ANKRD28: variants seen among roughly 807,000 people sequenced by gnomAD.
ANKRD28 encodes the protein serine/threonine-protein phosphatase 6 regulatory ankyrin repeat subunit A.
In ANKRD28, 44 loss-of-function variants were observed where a neutral mutation model predicts 126.5. That is an observed-to-expected ratio of 0.35 (90% CI 0.27 to 0.45). The LOEUF (loss-of-function observed/expected upper bound fraction) is 0.45. Ranked by LOEUF, ANKRD28 falls within the 20% of genes least tolerant of loss-of-function variation. The pLI is 1.00. For missense variants in ANKRD28, 1,110 were observed against 1,316.6 expected, an observed-to-expected ratio of 0.84 and a Z score of 2.43; for synonymous variants, 442 against 468.5, an observed-to-expected ratio of 0.94 and a Z score of 0.73.
chr3:15,722,179 T>C (rs909227608), intron 7 of ANKRD28, among the ~76,000 whole-genome samples: 6 of 152,186 alleles, frequency 3.9e-5, no homozygotes, highest in Non-Finnish European at 7.3e-5. Context: ...ATATTCCTGA[T>C]AAAAGAGTCT....
At chr3:15,755,675 C>CA (rs1399630692) in intron 3 of ANKRD28, among the ~76,000 whole-genome samples, 1 of 152,032 alleles carries the variant, frequency 6.6e-6, no homozygotes, top group Non-Finnish European at 1.5e-5. Context: ...CCACTTAAAA[C>CA]AAAAAACAGT....
chr3:15,754,838 C>T (rs935180156), intron 3 of ANKRD28, among the ~76,000 whole-genome samples: 10 of 152,058 alleles, frequency 6.6e-5, no homozygotes, highest in South Asian at 6.2e-4. Context: ...ATATATCGGC[C>T]GGGTGCAGTG....
At position 15,797,370 on chromosome 3, in the gene ANKRD28, C is replaced by A; in HGVS notation, c.-849G>T. On this transcript the variant is annotated 5_prime_UTR_variant, in exon 1 of 28. Transcript: ENST00000683139. Reference sequence around the variant, plus strand: ...GAAACACAGTTAGCTTTATTCCCATCGATAGCATAAGCAAGGCAGAGCGTT... The same window carrying A: ...GAAACACAGTTAGCTTTATTCCCATAGATAGCATAAGCAAGGCAGAGCGTT... The A allele has an allele frequency of 1.0e-6, 1 of 985,334 alleles. No homozygotes were observed. 61.0% of individuals were successfully genotyped at this position (985,334 alleles called of 1,614,324 possible).
rs945015085 is a variant in ANKRD28 at position 15,669,008 on chromosome 3, A to C, written c.*1262T>G. ...ATCTTTATTTAAAAGCCGAAATATCAGCCTTCTCTCTCTCTTTTGCTATTT... is the reference window on the plus strand; with the variant it reads ...ATCTTTATTTAAAAGCCGAAATATCCGCCTTCTCTCTCTCTTTTGCTATTT... On this transcript the variant is annotated 3_prime_UTR_variant, in exon 28 of 28. Transcript: ENST00000683139. The C allele has an allele frequency of 6.6e-6, 1 of 152,608 alleles. No individual in the cohort carries two copies. Among genetic ancestry groups the C allele is most frequent in the African/African-American group, 2.4e-5 (1 of 41,454 alleles). 9.5% of individuals were successfully genotyped at this position (152,608 alleles called of 1,614,324 possible).
At chr3:15,729,260 C>G (rs947745883) in intron 6 of ANKRD28, among the ~76,000 whole-genome samples, 1 of 152,184 alleles carries the variant, frequency 6.6e-6, no homozygotes, top group African/African-American at 2.4e-5. Flanking sequence ...TTCTCCTTCT[C>G]CCACAATCCT....
intron 4 of ANKRD28, 72 bp from the exon 5 acceptor site, chr3:15,737,305 C>T (rs901394956): frequency 6.7e-5 from 85 of 1,268,922 alleles, no homozygotes; most frequent in Admixed American, 1.1e-4. Context: ...ATATAGTGTG[C>T]GTGTGTGTGT....
intron 17 of ANKRD28, among the ~76,000 whole-genome samples, chr3:15,693,197 T>C (rs960984809): frequency 1.3e-5 from 2 of 152,226 alleles, no homozygotes; most frequent in Non-Finnish European, 2.9e-5. Context: ...AATGTAAATA[T>C]ACTTAACACT....
At position 15,668,926 on chromosome 3, in the gene ANKRD28, A is replaced by G. The variant is rs2066127852; in HGVS notation, c.*1344T>C. 1 of 152,682 alleles carries G rather than the reference A, an allele frequency of 6.5e-6. No individual in the cohort carries two copies. Among genetic ancestry groups the G allele is most frequent in the South Asian group, 2.1e-4 (1 of 4,836 alleles). The allele number at this position is 152,682 out of a possible 1,614,324, so 9.5% of individuals were successfully genotyped here. A position where few individuals can be genotyped will look rare whatever the true frequency, so the allele number is the denominator to read the frequency against. The stretch of plus-strand genomic sequence containing the variant: ...CCCATACCTGTAAGACCCTCAATGT[A>G]TATGAAATCATTTTCACTGGGAAAG... On this transcript the variant is annotated 3_prime_UTR_variant, in exon 28 of 28. Coordinates refer to ENST00000683139, the MANE Select transcript of ANKRD28 (RefSeq NM_001349278.2).
chr3:15,748,712 A>G (rs1015025003), intron 4 of ANKRD28, among the ~76,000 whole-genome samples: 1 of 152,042 alleles, frequency 6.6e-6, no homozygotes, highest in African/African-American at 2.4e-5. Context: ...GTGTTCTTTG[A>G]GCTTCTTGTA....
chr3:15,815,687 C>A lies in ANKRD28; in HGVS notation c.28-20381G>T, dbSNP rs188663377. ...GTAATTACTATTGTAGTAATTAATG[C>A]CTTCTAAAATGTTAGAAGACATAAA... On this transcript the variant is annotated intron_variant, in intron 1 of 27. Coordinates refer to the ANKRD28 transcript ENST00000399451. The surrounding 1 kb of genome is among the most constrained non-coding windows in gnomAD (Gnocchi z 4.1). Among the ~76,000 whole-genome samples, 30 of 152,200 alleles carry A rather than the reference C, an allele frequency of 2.0e-4. No homozygotes were observed. The South Asian group carries it at 3.1e-3, about 16-fold the overall frequency.
At chr3:15,826,999 C>A (rs953751737) in intron 1 of ANKRD28, among the ~76,000 whole-genome samples, 1 of 151,980 alleles carries the variant, frequency 6.6e-6, no homozygotes, top group Non-Finnish European at 1.5e-5. Flanking sequence ...CACAAATGGC[C>A]AAGTATATAT....
chr3:15,798,176 G>C, upstream of ANKRD28: 1 of 985,296 alleles, frequency 1.0e-6, no homozygotes, highest in Non-Finnish European at 1.2e-6. Flanking sequence ...TGCCTCTGCT[G>C]ACTAACAGTG....
At chr3:15,827,474 T>C (rs1385325798) in intron 1 of ANKRD28, among the ~76,000 whole-genome samples, 2 of 152,164 alleles carry the variant, frequency 1.3e-5, no homozygotes, top group African/African-American at 4.8e-5. Context: ...TAGCCCTTAC[T>C]TTGATGCATT....
chr3:15,811,542 T>A (rs1413791958), intron 1 of ANKRD28, among the ~76,000 whole-genome samples: 1 of 151,926 alleles, frequency 6.6e-6, no homozygotes, highest in South Asian at 2.1e-4. Flanking sequence ...GCAACCTCTG[T>A]CTCCTGGGTT....
rs1160681100 is a variant in ANKRD28, at chr3:15,853,880, T to A, written c.27+5497A>T. ...AATCCAAGACACTCTCAATTGTAGA[T>A]ACAAACAGGTCATTAATATAGCTAT... On this transcript the variant is annotated intron_variant, in intron 1 of 27. Transcript: ENST00000399451. This position sits in a 1 kb window ranked among gnomAD's most constrained non-coding sequence, Gnocchi z 4.2. 6.6e-6 allele frequency among the ~76,000 whole-genome samples: 1 copy of A among 152,210 alleles called. No individual in the cohort carries two copies. Among genetic ancestry groups the A allele is most frequent in the Non-Finnish European group, 1.5e-5 (1 of 68,038 alleles).
intron 4 of ANKRD28, among the ~76,000 whole-genome samples, chr3:15,745,267 C>G (rs2125289244): frequency 6.6e-6 from 1 of 152,118 alleles, no homozygotes; most frequent in Non-Finnish European, 1.5e-5. Context: ...CTTTTGGATT[C>G]TTGGTCATGA....
Position 15,714,663 on chromosome 3 carries a change from G to A in ANKRD28, c.997-7C>T, listed in dbSNP as rs1204537932. ...GGGTTTTCCCATCTTTACTCTGGGG[G>A]GGGAAGAAAAAAATTACTCACTCTA... On this transcript the variant is annotated splice_region_variant and splice_polypyrimidine_tract_variant and intron_variant, in intron 8 of 27. Coordinates refer to ENST00000683139, the MANE Select transcript of ANKRD28 (RefSeq NM_001349278.2). The A allele has an allele frequency of 2.5e-6, 4 of 1,575,092 alleles. No homozygotes were observed. Among genetic ancestry groups the A allele is most frequent in the South Asian group, 2.4e-5 (2 of 83,312 alleles).
intron 7 of ANKRD28, among the ~76,000 whole-genome samples, chr3:15,722,205 G>C (rs2073805947): frequency 6.6e-6 from 1 of 152,170 alleles, no homozygotes; most frequent in African/African-American, 2.4e-5. Flanking sequence ...TAGAGTGGGA[G>C]CTTTGGGTCA....
chr3:15,820,725 C>T (rs576287675), intron 1 of ANKRD28, among the ~76,000 whole-genome samples: 2 of 152,120 alleles, frequency 1.3e-5, no homozygotes, highest in East Asian at 3.9e-4. Context: ...AATGTCTTTT[C>T]CGCATGACAA....
Sources: allele counts gnomAD v4.1 joint callset (sites outside exome capture counted in the v4.1 genomes callset), GRCh38; gene constraint gnomAD v4.1.1; non-coding constraint Gnocchi (gnomAD v3.1); transcripts MANE v1.5; gene names NCBI Gene and HGNC (gene_info 2026-07-23, HGNC 2026-07-21).